The following DOCK2 variants were observed in gnomAD, a reference collection of about 807,000 sequenced individuals.
The protein encoded by DOCK2 is dedicator of cytokinesis 2.
Under a neutral mutation model 248.9 loss-of-function variants are expected in DOCK2, and 87 were observed. The ratio of observed to expected loss-of-function variants is 0.35; its 90% CI spans 0.29 to 0.42. The LOEUF (loss-of-function observed/expected upper bound fraction) is 0.42. DOCK2 is among the 10% of genes least tolerant of loss of function. DOCK2 has a pLI of 1.00. For missense variants in DOCK2, 1,747 were observed against 2,300.2 expected (o/e 0.76, Z 4.92); for synonymous variants, 805 against 821.6 (o/e 0.98, Z 0.35).
At chr5:169,724,268 G>A (rs1220529770) in intron 22 of DOCK2, among the ~76,000 whole-genome samples, 1 of 152,198 alleles carries the variant, frequency 6.6e-6, no homozygotes, top group East Asian at 1.9e-4. Flanking sequence ...CCTAAGTGCA[G>A]TAGGAATTCT....
At chr5:169,720,943 T>A (rs535778358) in intron 22 of DOCK2, among the ~76,000 whole-genome samples, 1 of 152,292 alleles carries the variant, frequency 6.6e-6, no homozygotes, top group South Asian at 2.1e-4. Flanking sequence ...AGGATGGTCT[T>A]GATCTCCTGA....
At chr5:170,002,551 C>T (rs1290381661) in intron 30 of DOCK2, among the ~76,000 whole-genome samples, 1 of 152,128 alleles carries the variant, frequency 6.6e-6, no homozygotes, top group South Asian at 2.1e-4. Flanking sequence ...AACTTTCTCC[C>T]ATTTAATCTT....
intron 27 of DOCK2, among the ~76,000 whole-genome samples, chr5:169,897,137 G>C (rs1288270151): frequency 6.6e-6 from 1 of 152,156 alleles, no homozygotes; most frequent in Non-Finnish European, 1.5e-5. Context: ...ATGAGAAAGA[G>C]AATCCTTATG....
chr5:169,880,326 A>G (rs761647263), intron 27 of DOCK2, among the ~76,000 whole-genome samples: 83 of 152,378 alleles, frequency 5.4e-4, no homozygotes, highest in Non-Finnish European at 9.6e-4. Context: ...CCTTCCAGGC[A>G]TATGGTCTCT....
rs564087783 is a variant in DOCK2 at position 169,981,160 on chromosome 5, G to A, written c.2800-1908G>A. Among the ~76,000 whole-genome samples, 87 of 152,314 alleles carry A rather than the reference G, an allele frequency of 5.7e-4. 1 individual carries two copies. Among genetic ancestry groups the A allele is most frequent in the Non-Finnish European group, 5.1e-4 (35 of 68,032 alleles). On this transcript the variant is annotated intron_variant, in intron 27 of 51. Transcript: ENST00000520908. Reference sequence around the variant, plus strand: ...TTACATAGCTGTTCCTGCTGACAAGGAAAGCATGCTATCCCTAACTTCCCA... The same window carrying A: ...TTACATAGCTGTTCCTGCTGACAAGAAAAGCATGCTATCCCTAACTTCCCA...
At chr5:169,921,438 A>G (rs75763895) in intron 27 of DOCK2, among the ~76,000 whole-genome samples, 367 of 152,338 alleles carry the variant, frequency 2.4e-3, no homozygotes, top group African/African-American at 7.4e-3. Flanking sequence ...TCTTTTAAAG[A>G]TGAAGACTGT....
intron 27 of DOCK2, among the ~76,000 whole-genome samples, chr5:169,920,309 T>C (rs1430194969): frequency 6.6e-6 from 1 of 152,196 alleles, no homozygotes; most frequent in African/African-American, 2.4e-5. Context: ...TTATGTAAGA[T>C]GTAATTATAT....
intron 27 of DOCK2, chr5:169,864,347 G>C (rs1456976309): frequency 6.4e-7 from 1 of 1,551,566 alleles, no homozygotes; most frequent in Non-Finnish European, 8.7e-7. Flanking sequence ...GGGGCTGGGG[G>C]TTCTGCTGGG....
intron 27 of DOCK2, among the ~76,000 whole-genome samples, chr5:169,853,633 G>A (rs974720623): frequency 2.0e-5 from 3 of 151,808 alleles, no homozygotes; most frequent in African/African-American, 7.3e-5. Context: ...GTTCAAGGAG[G>A]GGAAAGAAAT....
chr5:169,761,183 T>C (rs533096415), intron 24 of DOCK2: 1 of 167,962 alleles, frequency 6.0e-6, no homozygotes, highest in African/African-American at 2.4e-5. Context: ...ACCTGAGCTT[T>C]CTAACTTATA....
At chr5:169,869,817 C>T (rs72842507) in intron 27 of DOCK2, among the ~76,000 whole-genome samples, 15,135 of 152,194 alleles carry the variant, frequency 0.099, 928 homozygotes, top group Admixed American at 0.17. Context: ...CTTTTCTGAC[C>T]TCACCTCGCT....
intron 26 of DOCK2, among the ~76,000 whole-genome samples, chr5:169,821,581 G>T (rs1432539345): frequency 6.6e-6 from 1 of 152,144 alleles, no homozygotes; most frequent in Non-Finnish European, 1.5e-5. Context: ...AAGAGATTTT[G>T]TCACTGCCAG....
At chr5:169,719,318 G>A (rs1430442327) in intron 22 of DOCK2, among the ~76,000 whole-genome samples, 1 of 152,208 alleles carries the variant, frequency 6.6e-6, no homozygotes, top group Non-Finnish European at 1.5e-5. Context: ...TTTTTGAAGG[G>A]CTTTGGAGAG....
chr5:169,874,552 C>T (rs968083933), intron 27 of DOCK2, among the ~76,000 whole-genome samples: 12 of 152,098 alleles, frequency 7.9e-5, no homozygotes, highest in Non-Finnish European at 1.2e-4. Context: ...TGACCATACC[C>T]CTATCCTGAA....
intron 29 of DOCK2, among the ~76,000 whole-genome samples, chr5:169,990,749 G>A (rs917993061): frequency 3.3e-5 from 5 of 152,196 alleles, no homozygotes; most frequent in Admixed American, 1.3e-4. Flanking sequence ...ATGAATGACA[G>A]GGGATTGGGA....
intron 26 of DOCK2, among the ~76,000 whole-genome samples, chr5:169,817,885 T>C (rs1408380372): frequency 6.6e-6 from 1 of 152,240 alleles, no homozygotes; most frequent in Non-Finnish European, 1.5e-5. Context: ...CATCTTCAAT[T>C]AGTCTACTTT....
chr5:169,637,412 G>T, intron 1 of DOCK2, 43 bp downstream of exon 1: 1 of 1,322,380 alleles, frequency 7.6e-7, no homozygotes, highest in African/African-American at 1.5e-5. Context: ...GGGACAGGTG[G>T]CGGGAGAGCC....
chr5:169,804,188 A>G (rs895013834), intron 26 of DOCK2, among the ~76,000 whole-genome samples: 1 of 152,180 alleles, frequency 6.6e-6, no homozygotes, highest in Non-Finnish European at 1.5e-5. Context: ...GGTCAGATCC[A>G]TAGTCAACCA....
In DOCK2 at chr5:169,889,052, T is replaced by C. The variant is rs963824893; in HGVS notation, c.2799+48200T>C. 2.6e-5 allele frequency among the ~76,000 whole-genome samples: 4 copies of C among 152,194 alleles called. No individual in the cohort carries two copies. In the South Asian group the frequency reaches 8.3e-4, roughly 32 times the overall value. ...GACTCTAAGCTCCTTGAGAGACATG[T>C]GGTAATGGTCTACTCTGAGTCCTTA... On this transcript the variant is annotated intron_variant, in intron 27 of 51. Transcript: ENST00000520908.
Sources: allele counts gnomAD v4.1 joint callset (sites outside exome capture counted in the v4.1 genomes callset), GRCh38; gene constraint gnomAD v4.1.1; transcripts MANE v1.5; gene names NCBI Gene and HGNC (gene_info 2026-07-23, HGNC 2026-07-21).